GLB1: variants seen among roughly 807,000 people sequenced by gnomAD.
GLB1 encodes the protein beta-galactosidase.
GLB1 carries 56 observed loss-of-function variants against 74.0 expected under a neutral mutation model. The ratio of observed to expected loss-of-function variants is 0.76; its 90% CI spans 0.61 to 0.94. The LOEUF (loss-of-function observed/expected upper bound fraction) is 0.94. GLB1 is among the 40% of genes least tolerant of loss of function. The probability of loss-of-function intolerance (pLI) is 0.00; values close to 1 mark genes in which losing one functional copy is unlikely to be tolerated. For missense variants in GLB1, 787 were observed against 845.5 expected (o/e 0.93, Z 0.86); for synonymous variants, 323 against 323.6 (o/e 1.00, Z 0.02).
At chr3:33,094,068 A>G in intron 1 of GLB1, 3 of 1,614,276 alleles carry the variant, frequency 1.9e-6, no homozygotes, top group Non-Finnish European at 2.5e-6. Context: ...CAAGCGAAGC[A>G]GCCAACGCCA....
At chr3:33,049,255 T>C (rs1698873730) in intron 9 of GLB1, among the ~76,000 whole-genome samples, 1 of 152,036 alleles carries the variant, frequency 6.6e-6, no homozygotes, top group Non-Finnish European at 1.5e-5. Flanking sequence ...CACAGAGGGA[T>C]TATCTAAAAT....
chr3:33,092,018 T>C (rs1700784488), intron 1 of GLB1: 1 of 984,820 alleles, frequency 1.0e-6, no homozygotes, highest in Non-Finnish European at 1.2e-6. Context: ...TTGGTTTCCT[T>C]ATCTCCAAAT....
At chr3:33,081,378 G>A (rs949191264) in intron 1 of GLB1, among the ~76,000 whole-genome samples, 2 of 152,156 alleles carry the variant, frequency 1.3e-5, no homozygotes, top group Non-Finnish European at 2.9e-5. Context: ...GCTGTTGGGA[G>A]GATCCTTGGA....
At chr3:33,026,412 G>A (rs1697758931) in intron 10 of GLB1, among the ~76,000 whole-genome samples, 1 of 152,186 alleles carries the variant, frequency 6.6e-6, no homozygotes, top group Non-Finnish European at 1.5e-5. Context: ...GGTGCTGAGG[G>A]CAGCTCAGCA....
chr3:33,024,493 AT>A, intron 10 of GLB1, 168 bp from the exon 11 acceptor site: 2 of 677,362 alleles, frequency 3.0e-6, no homozygotes, highest in Non-Finnish European at 4.9e-6. Flanking sequence ...GATCTGGTAA[AT>A]TTTTTACCTC....
intron 9 of GLB1, among the ~76,000 whole-genome samples, 155 bp downstream of exon 9, chr3:33,051,603 C>CAAA (rs59740209): frequency 5.3e-5 from 4 of 75,434 alleles, no homozygotes; most frequent in Non-Finnish European, 8.4e-5. Flanking sequence ...AGACTGTCTA[C>CAAA]AAAAAAAAAA....
chr3:33,069,112 G>A (rs1323942553), intron 2 of GLB1, 142 bp from the exon 3 acceptor site: 2 of 1,413,466 alleles, frequency 1.4e-6, no homozygotes, highest in Admixed American at 2.0e-5. Flanking sequence ...ATCCAAGGCT[G>A]GGCACAGTGG....
chr3:33,073,884 C>T (rs1369195176), intron 1 of GLB1, among the ~76,000 whole-genome samples: 1 of 151,626 alleles, frequency 6.6e-6, no homozygotes, highest in African/African-American at 2.4e-5. Context: ...ATTAAGCAGG[C>T]TTGGTGGCAC....
the GLB1 span, among the ~76,000 whole-genome samples, chr3:32,977,634 C>A: frequency 2.6e-5 from 4 of 152,154 alleles, no homozygotes; most frequent in Non-Finnish European, 1.5e-5. Flanking sequence ...GACTGAGGAC[C>A]TACTATGGGC....
chr3:33,060,660 C>G (rs1699403262), intron 5 of GLB1, among the ~76,000 whole-genome samples: 1 of 150,358 alleles, frequency 6.7e-6, no homozygotes, highest in Non-Finnish European at 1.5e-5. Context: ...ATCATATACT[C>G]TAAAATAAAC....
chr3:32,970,444 C>T, the GLB1 span, among the ~76,000 whole-genome samples: 8 of 152,202 alleles, frequency 5.3e-5, no homozygotes, highest in South Asian at 1.7e-3. Flanking sequence ...TTTAAAAAGG[C>T]AAATGCAGGC....
chr3:32,991,256 A>C, the GLB1 span, among the ~76,000 whole-genome samples: 421 of 152,310 alleles, frequency 2.8e-3, 7 homozygotes, highest in African/African-American at 9.6e-3. Flanking sequence ...AAAAAGAGAC[A>C]AAGGGATCCA....
At position 33,024,240 on chromosome 3, in the gene GLB1, T is replaced by C; in HGVS notation, c.1143+11A>G. 6.2e-7 allele frequency: 1 copy of C among 1,607,810 alleles called. No homozygotes were observed. Among genetic ancestry groups the C allele is most frequent in the Non-Finnish European group, 8.5e-7 (1 of 1,177,776 alleles). On this transcript the variant is annotated intron_variant, in intron 11 of 15. Transcript: ENST00000307363. ...CTCACTTTCAAAGTTTCTGTTATTT[T>C]TTTTTCTTACCTTTTCCAAAGTGAC...
At chr3:33,058,054 T>G (rs749474638) in intron 6 of GLB1, 35 bp downstream of exon 6, 1 of 1,612,168 alleles carries the variant, frequency 6.2e-7, no homozygotes. Flanking sequence ...AAAAGCTGAT[T>G]TTAAGCTGCA....
chr3:33,051,871 A>G lies in GLB1; in HGVS notation c.914+12T>C, dbSNP rs757536608. The G allele has an allele frequency of 1.2e-6, 2 of 1,614,244 alleles. No homozygotes were observed. The highest frequency in any genetic ancestry group is 1.1e-5 in the South Asian group (1 of 91,080). On this transcript the variant is annotated intron_variant, in intron 8 of 15. Transcript: ENST00000307363. ...ACTGAGGGCACCCTCCCCTCAGGCA[A>G]TGAACACTCACAAGTTCACACTCGC...
intron 9 of GLB1, among the ~76,000 whole-genome samples, chr3:33,046,723 A>G (rs1287602902): frequency 1.3e-5 from 2 of 152,172 alleles, no homozygotes. Flanking sequence ...GGGCTTATTA[A>G]ACCAAACACA....
At chr3:33,067,596 C>T (rs28488329) in intron 4 of GLB1, among the ~76,000 whole-genome samples, 73,907 of 152,018 alleles carry the variant, frequency 0.49, 21,321 homozygotes, top group Non-Finnish European at 0.62. Context: ...TTTTGATTAG[C>T]GAGGTGCTAT....
rs116227659 is a variant in GLB1 at position 33,068,177 on chromosome 3, G to T, written c.457+53C>A. 2,866 of 1,612,130 alleles carry T rather than the reference G, an allele frequency of 1.8e-3. 48 individuals are homozygous for T. The African/African-American group carries it at 0.033, about 19-fold the overall frequency. ...GTCAGGATTACAGGCGTGAGCCACC[G>T]CACCTAGGCTGAAGCTTTTATAAAT... On this transcript the variant is annotated intron_variant, in intron 4 of 15. Transcript: ENST00000307363.
chr3:33,034,635 T>C, intron 10 of GLB1: 1 of 727,828 alleles, frequency 1.4e-6, no homozygotes, highest in East Asian at 2.6e-5. Context: ...AATGATGTCA[T>C]GTAGCATGCG....
Sources: gnomAD v4.1 joint callset for allele counts (sites outside exome capture counted in the v4.1 genomes callset) on GRCh38, gnomAD v4.1.1 for gene constraint, MANE v1.5 for transcripts, NCBI Gene and HGNC (gene_info 2026-07-23, HGNC 2026-07-21) for gene names.